The following CTNNA3 variants were observed in gnomAD, a reference collection of about 807,000 sequenced individuals.
CTNNA3 encodes the protein catenin alpha 3.
CTNNA3 carries 76 observed loss-of-function variants against 95.7 expected under a neutral mutation model. The observed-to-expected ratio is 0.79, with a 90% CI of 0.66 to 0.96. The LOEUF is 0.96. CTNNA3 is among the 40% of genes least tolerant of loss of function. The pLI, the probability that CTNNA3 is intolerant of heterozygous loss-of-function variation, is 0.00. For missense variants in CTNNA3, 1,191 were observed against 1,089.8 expected, an observed-to-expected ratio of 1.09 and a Z score of -1.31; for synonymous variants, 431 against 374.4, an observed-to-expected ratio of 1.15 and a Z score of -1.74.
At chr10:67,070,671 C>A (rs10997493) in intron 7 of CTNNA3, among the ~76,000 whole-genome samples, 2 of 151,540 alleles carry the variant, frequency 1.3e-5, no homozygotes, top group African/African-American at 4.9e-5. Flanking sequence ...CGCTTGAACC[C>A]GGGAGGCGGA....
chr10:67,600,663 C>A (rs1314528982), intron 3 of CTNNA3, among the ~76,000 whole-genome samples: 3 of 152,128 alleles, frequency 2.0e-5, no homozygotes, highest in East Asian at 1.9e-4. Flanking sequence ...TCTACTAAAG[C>A]TGGGCATATG....
intron 2 of CTNNA3, among the ~76,000 whole-genome samples, chr10:67,619,009 T>C (rs999456462): frequency 6.6e-6 from 1 of 152,178 alleles, no homozygotes; most frequent in African/African-American, 2.4e-5. Context: ...TAATCACTTC[T>C]CTTAAAAGTG....
intron 17 of CTNNA3, among the ~76,000 whole-genome samples, chr10:65,959,344 G>T (rs570088892): frequency 5.9e-5 from 9 of 152,232 alleles, no homozygotes; most frequent in Non-Finnish European, 1.2e-4. Flanking sequence ...TGCTTCCTGG[G>T]TGAGGCAATG....
chr10:66,487,291 T>C (rs1839770880), intron 11 of CTNNA3, among the ~76,000 whole-genome samples: 1 of 134,354 alleles, frequency 7.4e-6, no homozygotes, highest in South Asian at 2.6e-4. Context: ...AAGCTCCGCC[T>C]CCCGGGTTCA....
chr10:66,362,733 A>AG (rs1554945298), intron 12 of CTNNA3, among the ~76,000 whole-genome samples: 2 of 151,940 alleles, frequency 1.3e-5, no homozygotes, highest in South Asian at 2.1e-4. Flanking sequence ...AAAAAAAAAA[A>AG]GGTAATTTGA....
rs543130369 is a variant in CTNNA3, at chr10:66,142,134, T to C, written c.1885-38885A>G. 1.1e-3 allele frequency among the ~76,000 whole-genome samples: 164 copies of C among 152,334 alleles called. 1 individual carries two copies. In the Middle Eastern group the frequency reaches 0.014, roughly 13 times the overall value. On this transcript the variant is annotated intron_variant, in intron 13 of 17. Transcript: ENST00000433211. ...ACCTTTTAGAAATGTTATAGGTTTG[T>C]ATATTTATTTAGGTCTTTATCCATT...
In CTNNA3 at chr10:67,750,231, A is replaced by G. The variant is rs1841398470; in HGVS notation, c.-2+13203T>C. 9 of 1,467,074 alleles carry G rather than the reference A, an allele frequency of 6.1e-6. No homozygotes were observed. In the South Asian group the frequency reaches 1.0e-4, roughly 17 times the overall value. The allele number at this position is 1,467,074 out of a possible 1,614,324, so 90.9% of individuals were successfully genotyped here. On this transcript the variant is annotated intron_variant, in intron 1 of 17. Coordinates refer to the CTNNA3 transcript ENST00000684154. Reference sequence around the variant, plus strand: ...CCACTGGAAGGAACCAACTCTGGACACAGCAGGACGTGAGACTTCTAGTGC... The same window carrying G: ...CCACTGGAAGGAACCAACTCTGGACGCAGCAGGACGTGAGACTTCTAGTGC...
At chr10:66,732,147 T>A (rs907006686) in intron 9 of CTNNA3, among the ~76,000 whole-genome samples, 1 of 152,242 alleles carries the variant, frequency 6.6e-6, no homozygotes, top group Non-Finnish European at 1.5e-5. Context: ...AGTAAAGGGC[T>A]TGGAGAGGTT....
intron 9 of CTNNA3, among the ~76,000 whole-genome samples, chr10:66,666,420 G>A (rs1423023946): frequency 6.6e-6 from 1 of 152,008 alleles, no homozygotes; most frequent in Non-Finnish European, 1.5e-5. Context: ...TGGATACTTT[G>A]GATTAAATAA....
At position 67,756,137 on chromosome 10, in the gene CTNNA3, C is replaced by T. The variant is rs550332611; in HGVS notation, c.-2+7297G>A. 1.2e-4 allele frequency among the ~76,000 whole-genome samples: 18 copies of T among 152,040 alleles called. No individual in the cohort carries two copies. In the East Asian group the frequency reaches 3.5e-3, roughly 29 times the overall value. ...GGATCTTATGAAGATAGAGAGTAGA[C>T]TGGTGGTTACCAGAGGCCAGGTAGG... On this transcript the variant is annotated intron_variant, in intron 1 of 17. Transcript: ENST00000684154.
chr10:66,717,537 G>A (rs1296801327), intron 9 of CTNNA3, among the ~76,000 whole-genome samples: 1 of 152,180 alleles, frequency 6.6e-6, no homozygotes, highest in Non-Finnish European at 1.5e-5. Flanking sequence ...GTCTGTCAAA[G>A]GTTAGAGAAT....
At chr10:67,569,016 G>C (rs527386184) in intron 3 of CTNNA3, among the ~76,000 whole-genome samples, 1 of 152,244 alleles carries the variant, frequency 6.6e-6, no homozygotes, top group Admixed American at 6.5e-5. Flanking sequence ...ATTTGAAAGA[G>C]AATGATGAAC....
chr10:67,227,259 T>C (rs756616064), intron 5 of CTNNA3, among the ~76,000 whole-genome samples: 3 of 151,984 alleles, frequency 2.0e-5, no homozygotes, highest in Non-Finnish European at 4.4e-5. Context: ...GCCCGGCTAA[T>C]TTTGTATTTT....
intron 12 of CTNNA3, among the ~76,000 whole-genome samples, chr10:66,293,043 T>C (rs1209951206): frequency 1.3e-5 from 2 of 152,182 alleles, no homozygotes; most frequent in African/African-American, 2.4e-5. Context: ...TATTTACTTA[T>C]TGATATGTAT....
intron 1 of CTNNA3, among the ~76,000 whole-genome samples, chr10:67,740,909 C>G (rs567454021): frequency 1.3e-5 from 2 of 151,374 alleles, no homozygotes. Context: ...GGAACCAACC[C>G]AAATGTCCAA....
intron 17 of CTNNA3, among the ~76,000 whole-genome samples, chr10:65,930,103 TA>T (rs1304417731): frequency 7.0e-6 from 1 of 143,862 alleles, no homozygotes; most frequent in Non-Finnish European, 1.5e-5. Context: ...TACACACACA[TA>T]AGTATGTACA....
intron 13 of CTNNA3, among the ~76,000 whole-genome samples, chr10:66,167,641 T>A (rs1589616034): frequency 6.6e-6 from 1 of 152,310 alleles, no homozygotes; most frequent in African/African-American, 2.4e-5. Flanking sequence ...TGATCTACTT[T>A]ATTACTTTGT....
intron 3 of CTNNA3, among the ~76,000 whole-genome samples, chr10:67,604,800 G>C (rs887479264): frequency 3.3e-5 from 5 of 152,212 alleles, no homozygotes; most frequent in Non-Finnish European, 5.9e-5. Flanking sequence ...CTAAGATGAT[G>C]ATCAAGAACA....
intron 7 of CTNNA3, among the ~76,000 whole-genome samples, chr10:67,001,130 GT>G (rs1851660877): frequency 6.6e-6 from 1 of 151,448 alleles, no homozygotes; most frequent in East Asian, 2.0e-4. Flanking sequence ...ATGAAACCCT[GT>G]CTCTACTAAA....
Sources: gnomAD v4.1 joint callset for allele counts (sites outside exome capture counted in the v4.1 genomes callset) on GRCh38, gnomAD v4.1.1 for gene constraint, MANE v1.5 for transcripts, NCBI Gene and HGNC (gene_info 2026-07-23, HGNC 2026-07-21) for gene names.